The following KIF15 variants were observed in gnomAD, a reference collection of about 807,000 sequenced individuals.
KIF15 encodes the protein kinesin family member 15, also known as kinesin-like protein KIF15.
In KIF15, 140 loss-of-function variants were observed where a neutral mutation model predicts 190.6. That is an observed-to-expected ratio of 0.73 (90% CI 0.64 to 0.84). The LOEUF (loss-of-function observed/expected upper bound fraction) is 0.84, where lower values mean the gene tolerates loss of function less well. Ranked by LOEUF, KIF15 falls within the 40% of genes least tolerant of loss-of-function variation. The pLI, the probability that KIF15 is intolerant of heterozygous loss-of-function variation, is 0.00. For synonymous variants in KIF15, 528 were observed against 551.3 expected, an observed-to-expected ratio of 0.96 and a Z score of 0.59; for missense variants, 1,372 against 1,584.4, an observed-to-expected ratio of 0.87 and a Z score of 2.28.
At chr3:44,864,919 C>T (rs1256012242) in intron 6 of KIF15, 1 of 1,351,452 alleles carries the variant, frequency 7.4e-7, no homozygotes, top group Non-Finnish European at 1.0e-6. Flanking sequence ...AGGTTTCAAG[C>T]CCAAGGCTTC....
chr3:44,827,091 C>A, intron 22 of KIF15: 1 of 456,718 alleles, frequency 2.2e-6, no homozygotes. Flanking sequence ...TGATATCCAA[C>A]AAGCCAGGCA....
intron 11 of KIF15, among the ~76,000 whole-genome samples, 175 bp downstream of exon 11, chr3:44,800,612 C>T (rs1707221499): frequency 6.6e-6 from 1 of 152,076 alleles, no homozygotes; most frequent in Admixed American, 6.6e-5. Flanking sequence ...GATACAGATA[C>T]CATAGGCAGT....
downstream of KIF15, among the ~76,000 whole-genome samples, chr3:44,854,489 G>T (rs1020345042): frequency 2.0e-5 from 3 of 152,090 alleles, no homozygotes; most frequent in African/African-American, 7.2e-5. Flanking sequence ...AAATCCGTAA[G>T]GGCCAAAAAT....
chr3:44,861,870 G>A (rs1406691581), intron 6 of KIF15: 6 of 1,485,694 alleles, frequency 4.0e-6, no homozygotes, highest in Non-Finnish European at 5.4e-6. Context: ...ATCCAATCGC[G>A]GCGCGCGCTC....
At position 44,801,919 on chromosome 3, in the gene KIF15, A is replaced by G. The variant is rs1478039625; in HGVS notation, c.1454A>G (p.Glu485Gly). The G allele has an allele frequency of 1.2e-6, 2 of 1,613,968 alleles. No homozygotes were observed. The highest frequency in any genetic ancestry group is 1.7e-6 in the Non-Finnish European group (2 of 1,179,894). Residue 485 changes from glutamate to glycine, a missense_variant, in exon 13 of 35, where the codon GAG (glutamate) becomes GGG (glycine). Glu to Gly is a moderately conservative substitution (Grantham distance 98, BLOSUM62 -2). Transcript: ENST00000326047. ...TCCCGGGGAGGTTTTCTGCCTGAGG[A>G]GCAGGATCGTTTGCTCTCAGAATTA... Reference protein sequence around the residue: ...KESRGGFLPEEQDRLLSELRN... With the variant: ...KESRGGFLPEGQDRLLSELRN...
In KIF15 at chr3:44,852,864, G is replaced by A; in HGVS notation, c.*129G>A. The stretch of plus-strand genomic sequence containing the variant: ...CTTAATTATTAAATGTTTATAAGGT[G>A]GTGGTAACCACCTCAAGTTTCTGAT... On this transcript the variant is annotated 3_prime_UTR_variant, in exon 35 of 35. Transcript: ENST00000326047. 3 of 654,938 alleles carry A rather than the reference G, an allele frequency of 4.6e-6. No homozygotes were observed. The highest frequency in any genetic ancestry group is 2.3e-5 in the South Asian group (1 of 42,914). 40.6% of individuals were successfully genotyped at this position (654,938 alleles called of 1,614,324 possible). A position where few individuals can be genotyped will look rare whatever the true frequency, so the allele number is the denominator to read the frequency against.
chr3:44,825,389 A>G (rs1697583649), intron 20 of KIF15, among the ~76,000 whole-genome samples: 1 of 152,138 alleles, frequency 6.6e-6, no homozygotes, highest in Non-Finnish European at 1.5e-5. Flanking sequence ...CAGATATTCC[A>G]TATATAATAA....
At chr3:44,821,035 C>T (rs1205074809) in intron 20 of KIF15, among the ~76,000 whole-genome samples, 1 of 148,098 alleles carries the variant, frequency 6.8e-6, no homozygotes, top group African/African-American at 2.5e-5. Flanking sequence ...GGGGGCTGAC[C>T]CCCCCACCTC....
At chr3:44,866,689 G>A (rs1195191210) in intron 6 of KIF15, among the ~76,000 whole-genome samples, 1 of 152,182 alleles carries the variant, frequency 6.6e-6, no homozygotes, top group Non-Finnish European at 1.5e-5. Flanking sequence ...CAGCACAATT[G>A]ACAGAATGAG....
rs1298251429 is a variant in KIF15, at chr3:44,829,674, T to TATGTATATATATTATAG, written c.2944-252_2944-236dup. Among the ~76,000 whole-genome samples the TATGTATATATATTATAG allele has an allele frequency of 6.1e-3, 763 of 125,900 alleles. 34 individuals carry two copies. The highest frequency in any genetic ancestry group is 0.01 in the African/African-American group (311 of 29,922). The allele number at this position is 125,900 out of a possible 152,430, so 82.6% of individuals were successfully genotyped here. On this transcript the variant is annotated intron_variant, in intron 24 of 34. Coordinates refer to ENST00000326047, the MANE Select transcript of KIF15 (RefSeq NM_020242.3). The stretch of plus-strand genomic sequence containing the variant: ...ATGTATATATTATGTATATATAATA[T>TATGTATATATATTATAG]ATGTATATATATTATAGATGTATAT...
At position 44,801,493 on chromosome 3, in the gene KIF15, G is replaced by A. The variant is rs1707277480; in HGVS notation, c.1266G>A (p.Met422Ile). 1 of 1,572,744 alleles carries A rather than the reference G, an allele frequency of 6.4e-7. No homozygotes were observed. Among genetic ancestry groups the A allele is most frequent in the Admixed American group, 1.7e-5 (1 of 59,744 alleles). Residue 422 changes from methionine to isoleucine, a missense_variant, in exon 12 of 35, where the codon ATG becomes ATA. Transcript: ENST00000326047. ...TNYMEYFQEAMLFFKKSEQEK... is the reference protein window; with the variant it reads ...TNYMEYFQEAILFFKKSEQEK... ...ATATGGAGTATTTCCAGGAAGCAAT[G>A]TTATTCTTTAAGAAATCTGAACAGG...
intron 1 of KIF15, among the ~76,000 whole-genome samples, chr3:44,772,760 A>C (rs1705697378): frequency 6.6e-6 from 1 of 152,216 alleles, no homozygotes; most frequent in Non-Finnish European, 1.5e-5. Context: ...TCACACAGAT[A>C]TCAAACCAGA....
At chr3:44,792,593 C>G (rs924966832) in intron 7 of KIF15, among the ~76,000 whole-genome samples, 1 of 149,936 alleles carries the variant, frequency 6.7e-6, no homozygotes, top group Non-Finnish European at 1.5e-5. Context: ...GTTGCCCAGG[C>G]TGGAGCGGAA....
chr3:44,845,427 A>G (rs763689752), intron 30 of KIF15, among the ~76,000 whole-genome samples: 2 of 152,178 alleles, frequency 1.3e-5, no homozygotes, highest in South Asian at 4.1e-4. Flanking sequence ...GGTGGGAACT[A>G]CAACGATTTT....
downstream of KIF15, among the ~76,000 whole-genome samples, chr3:44,857,475 T>A (rs1410831040): frequency 6.6e-6 from 1 of 152,182 alleles, no homozygotes; most frequent in Non-Finnish European, 1.5e-5. Flanking sequence ...GGTCCTTGTG[T>A]AAGAATTCCG....
intron 6 of KIF15, among the ~76,000 whole-genome samples, chr3:44,859,801 G>A (rs1315506250): frequency 1.3e-5 from 2 of 152,176 alleles, no homozygotes; most frequent in Non-Finnish European, 2.9e-5. Flanking sequence ...ACTCTAGCCT[G>A]GGTGACAGAG....
intron 3 of KIF15, among the ~76,000 whole-genome samples, chr3:44,777,132 A>G (rs1000671074): frequency 6.7e-6 from 1 of 149,762 alleles, no homozygotes; most frequent in Admixed American, 6.8e-5. Context: ...TTTTTTTTTC[A>G]TTCCAGGATA....
intron 26 of KIF15, 34 bp downstream of exon 26, chr3:44,831,052 C>G (rs1575664430): frequency 6.3e-7 from 1 of 1,598,076 alleles, no homozygotes; most frequent in African/African-American, 1.3e-5. Context: ...TCTTTGTTTG[C>G]CTTATTACTT....
chr3:44,815,015 A>G lies in KIF15; in HGVS notation c.2488A>G (p.Lys830Glu). Residue 830 changes from lysine (K) to glutamate (E), a missense_variant, in exon 20 of 35, where the codon AAA becomes GAA. Physicochemically the swap from Lys to Glu is moderately conservative, Grantham distance 56. Transcript: ENST00000326047. ...TAGTTCATTCAAAACGAATCAGGAG[A>G]AAGAATTCAACAAACTTTCCGAAAG... Reference protein sequence around the residue: ...EYSSFKTNQEKEFNKLSERHM... With the variant: ...EYSSFKTNQEEEFNKLSERHM... 6 of 1,612,586 alleles carry G rather than the reference A, an allele frequency of 3.7e-6. No individual in the cohort carries two copies. Among genetic ancestry groups the G allele is most frequent in the Non-Finnish European group, 5.1e-6 (6 of 1,179,536 alleles).
Sources: gnomAD v4.1 joint callset for allele counts (sites outside exome capture counted in the v4.1 genomes callset) on GRCh38, gnomAD v4.1.1 for gene constraint, MANE v1.5 for transcripts, NCBI Gene and HGNC (gene_info 2026-07-23, HGNC 2026-07-21) for gene names.